Variants in FBXL17 observed in about 807,000 individuals in gnomAD.
The protein encoded by FBXL17 is F-box/LRR-repeat protein 17.
In FBXL17, 22 loss-of-function variants were observed where a neutral mutation model predicts 66.2. The observed-to-expected ratio is 0.33, with a 90% CI of 0.24 to 0.47. The LOEUF (loss-of-function observed/expected upper bound fraction) is 0.47. FBXL17 is among the 20% of genes least tolerant of loss of function. The pLI is 1.00. For missense variants in FBXL17, 878 were observed against 948.2 expected, an observed-to-expected ratio of 0.93 and a Z score of 0.97; for synonymous variants, 474 against 400.5, an observed-to-expected ratio of 1.18 and a Z score of -2.19.
At chr5:108,313,923 A>C (rs948177499) in intron 4 of FBXL17, among the ~76,000 whole-genome samples, 1 of 151,938 alleles carries the variant, frequency 6.6e-6, no homozygotes, top group Non-Finnish European at 1.5e-5. Flanking sequence ...TAAAATTCTT[A>C]CTAATATGAA....
chr5:108,194,265 T>C (rs1444358048), intron 5 of FBXL17, among the ~76,000 whole-genome samples: 1 of 152,206 alleles, frequency 6.6e-6, no homozygotes, highest in Non-Finnish European at 1.5e-5. Context: ...ACTTCACTTA[T>C]GTTATTCTGA....
intron 7 of FBXL17, among the ~76,000 whole-genome samples, chr5:107,916,645 T>C (rs1299842907): frequency 6.6e-6 from 1 of 152,220 alleles, no homozygotes; most frequent in African/African-American, 2.4e-5. Context: ...GCACAGGCTA[T>C]ACAAATATAT....
intron 6 of FBXL17, among the ~76,000 whole-genome samples, chr5:108,175,161 A>T (rs1324123588): frequency 6.6e-6 from 1 of 152,204 alleles, no homozygotes; most frequent in Non-Finnish European, 1.5e-5. Context: ...TAATTCTCCC[A>T]ACACGAATGT....
chr5:108,145,268 T>C (rs1751510278), intron 6 of FBXL17, among the ~76,000 whole-genome samples: 1 of 152,146 alleles, frequency 6.6e-6, no homozygotes, highest in Admixed American at 6.5e-5. Flanking sequence ...GTAGGAAAAA[T>C]ACATCAGAAA....
At chr5:108,207,000 A>G (rs1470380599) in intron 5 of FBXL17, among the ~76,000 whole-genome samples, 1 of 152,192 alleles carries the variant, frequency 6.6e-6, no homozygotes, top group Non-Finnish European at 1.5e-5. Flanking sequence ...GTAAAATTGG[A>G]CCACAAGTAT....
intron 4 of FBXL17, among the ~76,000 whole-genome samples, chr5:108,257,287 G>C (rs1351324613): frequency 2.0e-5 from 3 of 152,104 alleles, no homozygotes; most frequent in East Asian, 1.9e-4. Flanking sequence ...CTATAAAACA[G>C]GGATTACTGG....
At chr5:108,296,679 C>A (rs919605012) in intron 4 of FBXL17, among the ~76,000 whole-genome samples, 5 of 151,548 alleles carry the variant, frequency 3.3e-5, no homozygotes, top group Non-Finnish European at 7.4e-5. Flanking sequence ...ATCTTCGAAA[C>A]CATGAAATGT....
chr5:108,352,331 T>C lies in FBXL17; in HGVS notation c.1375-3801A>G, dbSNP rs117482682. On this transcript the variant is annotated intron_variant, in intron 3 of 8. Transcript: ENST00000542267. ...GTAAAGTCAATCATTATAACTGATA[T>C]ATTTACAATTTGGCTGACAGTCTTT... Among the ~76,000 whole-genome samples, 426 of 152,334 alleles carry C rather than the reference T, an allele frequency of 2.8e-3. 4 individuals are homozygous for C. The highest frequency in any genetic ancestry group is 9.6e-3 in the African/African-American group (398 of 41,588).
intron 6 of FBXL17, among the ~76,000 whole-genome samples, chr5:108,085,945 A>G (rs1748953449): frequency 6.6e-6 from 1 of 152,170 alleles, no homozygotes; most frequent in Non-Finnish European, 1.5e-5. Context: ...TAACAATAGT[A>G]AAGAACATTG....
intron 7 of FBXL17, among the ~76,000 whole-genome samples, chr5:107,948,147 T>C (rs970185424): frequency 5.3e-5 from 8 of 152,156 alleles, no homozygotes; most frequent in Admixed American, 1.3e-4. Flanking sequence ...TTATCATATA[T>C]AATTTTCCCT....
At position 107,859,791 on chromosome 5, in the gene FBXL17, T is replaced by C. The variant is rs567026105; in HGVS notation, c.*1929A>G. ...ATGACATATATAAAAATTAAACTTTTGCATATTCACTCAAGCTACTATTAC... is the reference window on the plus strand; with the variant it reads ...ATGACATATATAAAAATTAAACTTTCGCATATTCACTCAAGCTACTATTAC... On this transcript the variant is annotated 3_prime_UTR_variant, in exon 9 of 9. Coordinates refer to ENST00000542267, the MANE Select transcript of FBXL17 (RefSeq NM_001163315.3). 1 of 152,268 alleles carries C rather than the reference T, an allele frequency of 6.6e-6. No individual in the cohort carries two copies. The highest frequency in any genetic ancestry group is 2.1e-4 in the South Asian group (1 of 4,820). 9.4% of individuals were successfully genotyped at this position (152,268 alleles called of 1,614,324 possible).
At chr5:108,297,944 T>C (rs1267188846) in intron 4 of FBXL17, 2 of 971,980 alleles carry the variant, frequency 2.1e-6, no homozygotes, top group African/African-American at 1.8e-5. Flanking sequence ...GTTTATGGCA[T>C]TATATTCTCC....
chr5:108,115,959 C>T (rs1011968279), intron 6 of FBXL17, among the ~76,000 whole-genome samples: 2 of 152,202 alleles, frequency 1.3e-5, no homozygotes, highest in Admixed American at 6.5e-5. Context: ...GGCTGACCAC[C>T]TTCCATGACT....
At chr5:108,036,226 T>C (rs914577388) in intron 6 of FBXL17, among the ~76,000 whole-genome samples, 1 of 152,230 alleles carries the variant, frequency 6.6e-6, no homozygotes, top group African/African-American at 2.4e-5. Flanking sequence ...CTGGTTCATA[T>C]ATTCTTCATA....
At chr5:108,072,248 G>A (rs974245588) in intron 6 of FBXL17, among the ~76,000 whole-genome samples, 1 of 152,042 alleles carries the variant, frequency 6.6e-6, no homozygotes, top group Non-Finnish European at 1.5e-5. Context: ...GATAGTTCAG[G>A]TAACAGAGTG....
chr5:108,324,948 C>T (rs995201680), intron 4 of FBXL17, among the ~76,000 whole-genome samples: 31 of 151,958 alleles, frequency 2.0e-4, no homozygotes, highest in African/African-American at 7.2e-4. Context: ...AGAAGAGGTA[C>T]CTAGAGGAAT....
intron 6 of FBXL17, among the ~76,000 whole-genome samples, chr5:108,064,960 ATT>A (rs565224960): frequency 6.6e-6 from 1 of 152,030 alleles, no homozygotes; most frequent in East Asian, 1.9e-4. Flanking sequence ...TAGATATTTT[ATT>A]TTTTTATTAA....
At chr5:107,884,474 C>A (rs1311683593) in intron 7 of FBXL17, among the ~76,000 whole-genome samples, 1 of 152,158 alleles carries the variant, frequency 6.6e-6, no homozygotes, top group African/African-American at 2.4e-5. Context: ...GGAGTAGAGC[C>A]CTGCATATGG....
At chr5:108,348,671 G>A in intron 3 of FBXL17, 141 bp from the exon 4 acceptor site, 1 of 880,838 alleles carries the variant, frequency 1.1e-6, no homozygotes, top group African/African-American at 1.7e-5. Context: ...TAGAATGTAA[G>A]CAATCCATAA....
Sources: gnomAD v4.1 joint callset for allele counts (sites outside exome capture counted in the v4.1 genomes callset) on GRCh38, gnomAD v4.1.1 for gene constraint, MANE v1.5 for transcripts, NCBI Gene and HGNC (gene_info 2026-07-23, HGNC 2026-07-21) for gene names.